HS3ST3B1: variants seen among roughly 807,000 people sequenced by gnomAD.
The protein encoded by HS3ST3B1 is heparan sulfate glucosamine 3-O-sulfotransferase 3B1.
A neutral mutation model predicts 21.3 loss-of-function variants in HS3ST3B1; 13 were observed. The ratio of observed to expected loss-of-function variants is 0.61; its 90% CI spans 0.40 to 0.97. HS3ST3B1 has a LOEUF of 0.97. HS3ST3B1 is among the 50% of genes least tolerant of loss of function. The pLI is 0.00. For missense variants in HS3ST3B1, 459 were observed against 554.8 expected, an observed-to-expected ratio of 0.83 and a Z score of 1.73; for synonymous variants, 234 against 254.8, an observed-to-expected ratio of 0.92 and a Z score of 0.78.
intron 1 of HS3ST3B1, among the ~76,000 whole-genome samples, chr17:14,341,611 A>G (rs539990909): frequency 6.6e-6 from 1 of 152,070 alleles, no homozygotes; most frequent in South Asian, 2.1e-4. Context: ...CACACACGTT[A>G]GTAAATGGAG....
At chr17:14,330,205 C>T (rs913992287) in intron 1 of HS3ST3B1, among the ~76,000 whole-genome samples, 8 of 152,006 alleles carry the variant, frequency 5.3e-5, no homozygotes, top group African/African-American at 1.5e-4. Flanking sequence ...CCTTGGGGTG[C>T]GTTTTGTACG....
At chr17:14,310,603 C>T (rs1369844588) in intron 1 of HS3ST3B1, among the ~76,000 whole-genome samples, 2 of 152,132 alleles carry the variant, frequency 1.3e-5, no homozygotes, top group Non-Finnish European at 1.5e-5. Flanking sequence ...GTACAATCTC[C>T]CTGGGGAGAG....
intron 1 of HS3ST3B1, among the ~76,000 whole-genome samples, chr17:14,339,749 A>G (rs919269268): frequency 2.1e-4 from 32 of 152,184 alleles, no homozygotes; most frequent in Non-Finnish European, 4.6e-4. Context: ...GACTCAATTA[A>G]CCTGCATCAT....
intron 1 of HS3ST3B1, among the ~76,000 whole-genome samples, chr17:14,333,491 C>T (rs1232855054): frequency 1.3e-5 from 2 of 149,754 alleles, no homozygotes; most frequent in Non-Finnish European, 1.5e-5. Context: ...CAAAAAAAAA[C>T]AGATTTTGTT....
At chr17:14,316,221 T>C (rs1397640036) in intron 1 of HS3ST3B1, among the ~76,000 whole-genome samples, 1 of 152,192 alleles carries the variant, frequency 6.6e-6, no homozygotes, top group Non-Finnish European at 1.5e-5. Flanking sequence ...ATCTCAAACC[T>C]AATATGTCTG....
rs183783782 is a variant in HS3ST3B1 at position 14,319,494 on chromosome 17, G to A, written c.554+17422G>A. On this transcript the variant is annotated intron_variant, in intron 1 of 1. Transcript: ENST00000360954. ...TGTATCTGAATGTCCACTGATTTTC[G>A]TTTCGTTTCTTAGAATTTAAGTACT... Among the ~76,000 whole-genome samples, 8 of 152,228 alleles carry A rather than the reference G, an allele frequency of 5.3e-5. No individual in the cohort carries two copies. In the East Asian group the frequency reaches 5.8e-4, roughly 11 times the overall value.
intron 1 of HS3ST3B1, among the ~76,000 whole-genome samples, chr17:14,309,518 AG>A (rs3837819): frequency 0.15 from 22,451 of 152,032 alleles, 1,843 homozygotes; most frequent in South Asian, 0.28. Flanking sequence ...GTTCCGCCTG[AG>A]AGGAGAACCC....
intron 1 of HS3ST3B1, among the ~76,000 whole-genome samples, chr17:14,336,317 A>G (rs1567643115): frequency 2.0e-5 from 3 of 152,166 alleles, no homozygotes; most frequent in Non-Finnish European, 4.4e-5. Flanking sequence ...AGTAACTTCA[A>G]TTGCTGGGCT....
intron 1 of HS3ST3B1, chr17:14,304,249 G>T (rs1424897578): frequency 2.0e-5 from 3 of 152,190 alleles, no homozygotes; most frequent in South Asian, 2.1e-4. Context: ...TGACAAGCAG[G>T]ACTCCCGGGT....
At chr17:14,331,948 C>G (rs1910028046) in intron 1 of HS3ST3B1, among the ~76,000 whole-genome samples, 1 of 152,146 alleles carries the variant, frequency 6.6e-6, no homozygotes, top group Non-Finnish European at 1.5e-5. Flanking sequence ...TCCCGCCAAA[C>G]CCCACTCCCT....
At chr17:14,326,782 G>C (rs556104655) in intron 1 of HS3ST3B1, among the ~76,000 whole-genome samples, 1 of 152,010 alleles carries the variant, frequency 6.6e-6, no homozygotes, top group Non-Finnish European at 1.5e-5. Flanking sequence ...CTAGCTGGAC[G>C]TGGTGGTGTG....
chr17:14,326,921 CAAAAAAAAAAAA>C (rs60800866), intron 1 of HS3ST3B1, among the ~76,000 whole-genome samples: 1 of 60,484 alleles, frequency 1.7e-5, no homozygotes, highest in Non-Finnish European at 3.6e-5. Flanking sequence ...AACTCTGTCT[CAAAAAAAAAAAA>C]AAAAAAAAAA....
intron 1 of HS3ST3B1, among the ~76,000 whole-genome samples, chr17:14,344,728 C>A (rs1910497217): frequency 6.6e-6 from 1 of 152,138 alleles, no homozygotes; most frequent in African/African-American, 2.4e-5. Context: ...TTGGGGCAAT[C>A]TGAAAGCTGG....
intron 1 of HS3ST3B1, among the ~76,000 whole-genome samples, chr17:14,330,550 G>GGTGTGTATGTGTGTGTGTGT (rs111261697): frequency 6.0e-4 from 87 of 144,174 alleles, no homozygotes; most frequent in African/African-American, 2.1e-3. Flanking sequence ...CTGGTTTCCC[G>GGTGTGTATGTGTGTGTGTGT]GTGTGTGTGT....
intron 1 of HS3ST3B1, among the ~76,000 whole-genome samples, chr17:14,340,007 G>A (rs1431941157): frequency 1.3e-5 from 2 of 152,198 alleles, no homozygotes; most frequent in Non-Finnish European, 2.9e-5. Flanking sequence ...CTGCGCGGTT[G>A]TAGGGTGAGG....
At chr17:14,326,901 A>C (rs891676448) in intron 1 of HS3ST3B1, among the ~76,000 whole-genome samples, 1 of 148,426 alleles carries the variant, frequency 6.7e-6, no homozygotes, top group African/African-American at 2.5e-5. Context: ...AGCCTGGGCA[A>C]CAAGAGTGAA....
chr17:14,317,453 G>T (rs58793271), intron 1 of HS3ST3B1, among the ~76,000 whole-genome samples: 1 of 152,126 alleles, frequency 6.6e-6, no homozygotes, highest in South Asian at 2.1e-4. Context: ...TGGTCGAGGG[G>T]CCATGGTGAG....
chr17:14,306,408 A>G (rs1463247926), intron 1 of HS3ST3B1, among the ~76,000 whole-genome samples: 3 of 152,206 alleles, frequency 2.0e-5, no homozygotes, highest in Non-Finnish European at 4.4e-5. Context: ...TGTGAGGTTA[A>G]ATGACACGTT....
At chr17:14,338,991 G>A (rs1910285643) in intron 1 of HS3ST3B1, among the ~76,000 whole-genome samples, 1 of 152,182 alleles carries the variant, frequency 6.6e-6, no homozygotes, top group African/African-American at 2.4e-5. Flanking sequence ...ACACATACCT[G>A]GTTAGTATCT....
Sources: gnomAD v4.1 joint callset for allele counts (sites outside exome capture counted in the v4.1 genomes callset) on GRCh38, gnomAD v4.1.1 for gene constraint, MANE v1.5 for transcripts, NCBI Gene and HGNC (gene_info 2026-07-23, HGNC 2026-07-21) for gene names.